The following WDHD1 variants were observed in gnomAD, a reference collection of about 807,000 sequenced individuals.
WDHD1 encodes the protein WD repeat and HMG-box DNA-binding protein 1.
A neutral mutation model predicts 135.4 loss-of-function variants in WDHD1; 111 were observed. The ratio of observed to expected loss-of-function variants is 0.82; its 90% CI spans 0.70 to 0.96. The LOEUF (loss-of-function observed/expected upper bound fraction) is 0.96. Ranked by LOEUF, WDHD1 falls within the 40% of genes least tolerant of loss-of-function variation. The probability of loss-of-function intolerance (pLI) is 0.00; values close to 1 mark genes in which losing one functional copy is unlikely to be tolerated. For missense variants in WDHD1, 1,351 were observed against 1,336.3 expected, an observed-to-expected ratio of 1.01 and a Z score of -0.17; for synonymous variants, 434 against 439.0, an observed-to-expected ratio of 0.99 and a Z score of 0.14.
intron 25 of WDHD1, among the ~76,000 whole-genome samples, chr14:54,943,456 A>G (rs1225213766): frequency 6.6e-6 from 1 of 152,160 alleles, no homozygotes; most frequent in Non-Finnish European, 1.5e-5. Flanking sequence ...GTACAGTGAC[A>G]CAATCACGGC....
At chr14:54,946,334 G>A (rs1444466345) in intron 24 of WDHD1, among the ~76,000 whole-genome samples, 1 of 152,188 alleles carries the variant, frequency 6.6e-6, no homozygotes, top group Non-Finnish European at 1.5e-5. Flanking sequence ...CTACAAGAGT[G>A]CACAGCCACC....
intron 24 of WDHD1, among the ~76,000 whole-genome samples, chr14:54,953,449 A>G (rs1044451650): frequency 1.3e-5 from 2 of 152,184 alleles, no homozygotes; most frequent in Non-Finnish European, 2.9e-5. Context: ...TTAGAATGGC[A>G]ATCATTAAAA....
intron 16 of WDHD1, among the ~76,000 whole-genome samples, chr14:54,979,556 T>C (rs1055849395): frequency 1.2e-4 from 18 of 152,216 alleles, no homozygotes; most frequent in Non-Finnish European, 5.9e-5. Flanking sequence ...TTATCACTTT[T>C]ATCAGAGTCA....
intron 7 of WDHD1, among the ~76,000 whole-genome samples, chr14:55,004,490 T>C (rs75081088): frequency 6.6e-6 from 1 of 152,312 alleles, no homozygotes; most frequent in East Asian, 1.9e-4. Context: ...TCTCGCTCTA[T>C]CACCTGAGCT....
rs373819077 is a variant in WDHD1 at position 55,008,739 on chromosome 14, C to T, written c.342-20G>A. 19 of 1,536,276 alleles carry T rather than the reference C, an allele frequency of 1.2e-5. No individual in the cohort carries two copies. Among genetic ancestry groups the T allele is most frequent in the Admixed American group, 7.2e-5 (4 of 55,580 alleles). On this transcript the variant is annotated intron_variant, in intron 4 of 25. Coordinates refer to ENST00000360586, the MANE Select transcript of WDHD1 (RefSeq NM_007086.4). ...AAATCACTAAGAACAAAAAGAGTAA[C>T]GCAAATGAATAAATGCTAACACAAA...
chr14:55,026,950 G>C, intron 1 of WDHD1, 78 bp downstream of exon 1: 2 of 701,668 alleles, frequency 2.9e-6, no homozygotes, highest in Non-Finnish European at 4.9e-6. Context: ...GGATAAGGCA[G>C]AGGGTCTGTC....
chr14:55,025,897 G>A (rs2042429208), intron 2 of WDHD1, among the ~76,000 whole-genome samples: 2 of 152,170 alleles, frequency 1.3e-5, no homozygotes, highest in Admixed American at 1.3e-4. Flanking sequence ...ACTGCTTAAT[G>A]CCTGCTCCGT....
At chr14:54,963,296 G>T in intron 18 of WDHD1, 124 bp from the exon 19 acceptor site, 1 of 734,408 alleles carries the variant, frequency 1.4e-6, no homozygotes, top group East Asian at 2.7e-5. Flanking sequence ...CTAATTCTAA[G>T]ATGCACATTT....
At chr14:54,996,833 C>T (rs1321834535) in intron 10 of WDHD1, among the ~76,000 whole-genome samples, 1 of 152,092 alleles carries the variant, frequency 6.6e-6, no homozygotes, top group African/African-American at 2.4e-5. Context: ...CGCTCTGTCG[C>T]CAGGCTGGAG....
chr14:55,001,605 C>G lies in WDHD1; in HGVS notation c.693+488G>C, dbSNP rs566028433. Among the ~76,000 whole-genome samples, 8 of 152,262 alleles carry G rather than the reference C, an allele frequency of 5.3e-5. No homozygotes were observed. The East Asian group carries it at 1.5e-3, about 29-fold the overall frequency. ...AGCAAAACCTAAAAAATGTTATTAT[C>G]CTAGAAAGAGAGACAATTCAAGACA... is the stretch of plus-strand genomic sequence containing the variant. On this transcript the variant is annotated intron_variant, in intron 8 of 25. Transcript: ENST00000360586.
At chr14:55,005,896 G>C (rs1367763062) in intron 7 of WDHD1, among the ~76,000 whole-genome samples, 1 of 151,598 alleles carries the variant, frequency 6.6e-6, no homozygotes, top group Non-Finnish European at 1.5e-5. Context: ...GCAGGGTTTT[G>C]CTTTGTTGCC....
intron 14 of WDHD1, 62 bp from the exon 15 acceptor site, chr14:54,984,922 A>G: frequency 6.4e-7 from 1 of 1,574,174 alleles, no homozygotes; most frequent in South Asian, 1.2e-5. Flanking sequence ...ACGCAGTCTA[A>G]ATTATTTTCT....
intron 8 of WDHD1, among the ~76,000 whole-genome samples, chr14:55,001,451 T>C (rs1314462047): frequency 6.6e-6 from 1 of 151,918 alleles, no homozygotes; most frequent in Non-Finnish European, 1.5e-5. Context: ...TTTGTAGAGA[T>C]GGAGTCTTCT....
At chr14:55,008,507 T>C (rs1427553619) in intron 5 of WDHD1, 101 bp downstream of exon 5, 2 of 1,444,472 alleles carry the variant, frequency 1.4e-6, no homozygotes, top group Non-Finnish European at 1.9e-6. Context: ...AAACAAAGGT[T>C]GAAAAGTTGA....
In WDHD1 at chr14:55,007,712, T is replaced by G. The variant is rs945747992; in HGVS notation, c.505-337A>C. Among the ~76,000 whole-genome samples the G allele has an allele frequency of 6.6e-5, 10 of 152,242 alleles. No individual in the cohort carries two copies. The East Asian group carries it at 1.9e-3, about 29-fold the overall frequency. On this transcript the variant is annotated intron_variant, in intron 6 of 25. Transcript: ENST00000360586. ...ACTTCAATGGTCTACTATAAAATGT[T>G]AAAGTGTCAAAGTCGCTTCTTTTAA...
chr14:55,023,824 A>T (rs2042388665), intron 2 of WDHD1, among the ~76,000 whole-genome samples: 1 of 152,228 alleles, frequency 6.6e-6, no homozygotes, highest in Non-Finnish European at 1.5e-5. Context: ...TACTACAGTT[A>T]ATTTTATGTA....
chr14:55,025,065 GTATA>G (rs1240351146), intron 2 of WDHD1, among the ~76,000 whole-genome samples: 3 of 86,902 alleles, frequency 3.5e-5, no homozygotes, highest in Non-Finnish European at 7.4e-5. Context: ...GAATGTCTCG[GTATA>G]AAACCCGATT....
intron 21 of WDHD1, among the ~76,000 whole-genome samples, chr14:54,959,504 T>C (rs1395670396): frequency 2.0e-5 from 3 of 151,998 alleles, no homozygotes; most frequent in African/African-American, 4.8e-5. Context: ...CACTTGTGCC[T>C]GTAATCCGAA....
At position 54,996,586 on chromosome 14, in the gene WDHD1, T is replaced by C. The variant is rs552656029; in HGVS notation, c.943-773A>G. ...CTGCACTCCAGCCTGGGTGACAGAG[T>C]GAGACCCTGTCTCAAAATAAATAAA... On this transcript the variant is annotated intron_variant, in intron 10 of 25. Transcript: ENST00000360586. Among the ~76,000 whole-genome samples, 3 of 152,046 alleles carry C rather than the reference T, an allele frequency of 2.0e-5. 1 individual carries two copies. In the South Asian group the frequency reaches 6.2e-4, roughly 32 times the overall value.
Sources: gnomAD v4.1 joint callset for allele counts (sites outside exome capture counted in the v4.1 genomes callset) on GRCh38, gnomAD v4.1.1 for gene constraint, MANE v1.5 for transcripts, NCBI Gene and HGNC (gene_info 2026-07-23, HGNC 2026-07-21) for gene names.